The following SCN9A variants were observed in gnomAD, a reference collection of about 807,000 sequenced individuals.
SCN9A encodes the protein sodium channel protein type 9 subunit alpha.
SCN9A carries 131 observed loss-of-function variants against 187.0 expected under a neutral mutation model. The ratio of observed to expected loss-of-function variants is 0.70; its 90% CI spans 0.61 to 0.81. The LOEUF (loss-of-function observed/expected upper bound fraction) is 0.81, where lower values mean the gene tolerates loss of function less well. SCN9A is among the 30% of genes least tolerant of loss of function. SCN9A has a pLI of 0.00. For synonymous variants in SCN9A, 809 were observed against 808.6 expected (o/e 1.00, Z -0.01); for missense variants, 2,252 against 2,396.6 (o/e 0.94, Z 1.26).
At position 166,288,455 on chromosome 2, in the gene SCN9A, T is replaced by C; in HGVS notation, c.1296A>G (p.Lys432=). The change falls in exon 10 of 27, where the codon AAA becomes AAG. Residue 432 remains lysine, a synonymous_variant. Coordinates refer to ENST00000642356, the MANE Select transcript of SCN9A (RefSeq NM_001365536.1). Reference sequence around the variant, plus strand: ...ACAGTACCTCAGCTTCTTCTTGCTCTTTTTTAAGACGGTCTAACATCTGTT... The same window carrying C: ...ACAGTACCTCAGCTTCTTCTTGCTCCTTTTTAAGACGGTCTAACATCTGTT... The part of the protein sequence containing the change: ...EFQQMLDRLK[K]EQEEAEAIAA... 1.2e-6 allele frequency: 2 copies of C among 1,609,636 alleles called. No homozygotes were observed. Among genetic ancestry groups the C allele is most frequent in the Non-Finnish European group, 1.7e-6 (2 of 1,177,126 alleles).
chr2:166,232,483 G>A (rs1017512181), intron 21 of SCN9A, among the ~76,000 whole-genome samples: 3 of 152,016 alleles, frequency 2.0e-5, no homozygotes, highest in African/African-American at 7.3e-5. Flanking sequence ...CCTTACCCAG[G>A]TAGTTTCTTA....
At chr2:166,369,943 T>G (rs1700508082) in intron 1 of SCN9A, among the ~76,000 whole-genome samples, 1 of 152,134 alleles carries the variant, frequency 6.6e-6, no homozygotes. Flanking sequence ...GTGATGGGAT[T>G]GCAGGGGTGA....
In SCN9A at chr2:166,272,426, A is replaced by C; in HGVS notation, c.3324T>G (p.Ser1108Arg). 1 of 1,601,716 alleles carries C rather than the reference A, an allele frequency of 6.2e-7. No individual in the cohort carries two copies. ...CTTTGCTGTATTCACTATCCGAATC[A>C]CTGCTAAGTTCCTCAGCATTCATAT... ...LENMNAEELSSDSDSEYSKVR... is the reference protein window; with the variant it reads ...LENMNAEELSRDSDSEYSKVR... Residue 1108 changes from serine (S) to arginine (R), a missense_variant, in exon 17 of 27, where the codon AGT becomes AGG. Around this residue, in one of 7 missense-constraint regions of SCN9A, gnomAD observed 313 missense variants for 295.3 expected, o/e 1.06. Coordinates refer to ENST00000642356, the MANE Select transcript of SCN9A (RefSeq NM_001365536.1).
At position 166,272,674 on chromosome 2, in the gene SCN9A, G is replaced by T. The variant is rs1305266156; in HGVS notation, c.3076C>A (p.Gln1026Lys). The change falls in exon 17 of 27, where the codon CAA (glutamine) becomes AAA (lysine). Residue 1026 changes from glutamine (Q) to lysine (K), a missense_variant. This residue lies in a region of SCN9A where 313 missense variants were observed against 295.3 expected (regional missense o/e 1.06). Transcript: ENST00000642356. Reference protein sequence around the residue: ...KKPKISREIRQAEDLNTKKEN... With the variant: ...KKPKISREIRKAEDLNTKKEN... ...TTCTTAGTATTCAGATCTTCTGCTT[G>T]TCTTATCTCCCTGGAAATCTTTGGC... The T allele has an allele frequency of 1.2e-6, 2 of 1,609,832 alleles. No individual in the cohort carries two copies. The highest frequency in any genetic ancestry group is 8.5e-7 in the Non-Finnish European group (1 of 1,177,878).
At chr2:166,289,374 T>C (rs1386638179) in intron 9 of SCN9A, among the ~76,000 whole-genome samples, 1 of 151,758 alleles carries the variant, frequency 6.6e-6, no homozygotes, top group African/African-American at 2.4e-5. Flanking sequence ...TGTGATGATC[T>C]TCTCATTGCC....
intron 24 of SCN9A, among the ~76,000 whole-genome samples, chr2:166,208,089 T>G (rs925040134): frequency 6.6e-6 from 1 of 152,180 alleles, no homozygotes; most frequent in Non-Finnish European, 1.5e-5. Flanking sequence ...CTTGCGTGGG[T>G]GTTTTGTTTT....
At chr2:166,320,184 A>C (rs1033837676) in intron 1 of SCN9A, among the ~76,000 whole-genome samples, 1 of 152,172 alleles carries the variant, frequency 6.6e-6, no homozygotes, top group Non-Finnish European at 1.5e-5. Flanking sequence ...TATTCCCTAG[A>C]TAATGGCTTT....
chr2:166,247,682 A>G (rs1695855137), intron 18 of SCN9A, among the ~76,000 whole-genome samples: 3 of 151,994 alleles, frequency 2.0e-5, no homozygotes, highest in African/African-American at 7.3e-5. Flanking sequence ...AGGCTCAGCT[A>G]ATTTTTGTAT....
At position 166,303,105 on chromosome 2, in the gene SCN9A, C is replaced by G; in HGVS notation, c.886G>C (p.Glu296Gln). The G allele has an allele frequency of 1.2e-6, 2 of 1,600,176 alleles. No homozygotes were observed. The highest frequency in any genetic ancestry group is 1.7e-6 in the Non-Finnish European group (2 of 1,171,126). The change falls in exon 7 of 27, where the codon GAA (glutamate) becomes CAA (glutamine). Residue 296 changes from glutamate (E) to glutamine (Q), a missense_variant. Around this residue, in one of 7 missense-constraint regions of SCN9A, gnomAD observed 1,013 missense variants for 997.4 expected, o/e 1.02. Coordinates refer to ENST00000642356, the MANE Select transcript of SCN9A (RefSeq NM_001365536.1). ...ACATTCTTACTTCTAAAGTCTTCTT[C>G]ACTCTCTAGGGTATTCATTATGCTT... ...LESIMNTLES[E>Q]EDFRKYFYYL...
At chr2:166,297,984 T>A (rs1019570870) in intron 7 of SCN9A, among the ~76,000 whole-genome samples, 17 of 150,314 alleles carry the variant, frequency 1.1e-4, no homozygotes, top group Admixed American at 9.3e-4. Context: ...GAAAAAAAAA[T>A]GGTAATTCTG....
intron 17 of SCN9A, among the ~76,000 whole-genome samples, chr2:166,260,041 TTATTA>T (rs1696442056): frequency 1.3e-5 from 2 of 151,864 alleles, no homozygotes; most frequent in South Asian, 4.1e-4. Context: ...TTTTAAAAGA[TTATTA>T]TATTTTCTAA....
At chr2:166,207,740 C>T (rs1191374677) in intron 24 of SCN9A, among the ~76,000 whole-genome samples, 1 of 152,168 alleles carries the variant, frequency 6.6e-6, no homozygotes, top group African/African-American at 2.4e-5. Context: ...CATATCCGGC[C>T]ACCTTAGAGT....
intron 1 of SCN9A, among the ~76,000 whole-genome samples, chr2:166,370,074 A>G (rs1448268545): frequency 1.3e-5 from 2 of 151,944 alleles, no homozygotes; most frequent in Non-Finnish European, 2.9e-5. Flanking sequence ...TCTAAAGTAT[A>G]GACTCTCAAG....
At chr2:166,279,868 T>A (rs1464068366) in intron 14 of SCN9A, among the ~76,000 whole-genome samples, 39 of 152,152 alleles carry the variant, frequency 2.6e-4, no homozygotes, top group Non-Finnish European at 1.5e-5. Context: ...ACTACAGAGT[T>A]AAAATATTTG....
Position 166,280,412 on chromosome 2 carries a change from A to G in SCN9A, c.2288T>C (p.Met763Thr). Residue 763 changes from methionine to threonine, a missense_variant, in exon 14 of 27, where the codon ATG becomes ACG. Met to Thr is a moderately conservative substitution (Grantham distance 81). This residue lies in a region of SCN9A where 1,013 missense variants were observed against 997.4 expected (regional missense o/e 1.02). Coordinates refer to ENST00000642356, the MANE Select transcript of SCN9A (RefSeq NM_001365536.1). ...CIVLNTLFMA[M>T]EHHPMTEEFK... The stretch of plus-strand genomic sequence containing the variant: ...TTCCTCAGTCATTGGGTGGTGTTCC[A>G]TAGCCATAAATAATGTGTTTAAAAC... The G allele has an allele frequency of 6.3e-7, 1 of 1,591,666 alleles. No homozygotes were observed. Among genetic ancestry groups the G allele is most frequent in the Non-Finnish European group, 8.6e-7 (1 of 1,167,512 alleles).
At chr2:166,361,285 C>A (rs1038064012) in intron 1 of SCN9A, among the ~76,000 whole-genome samples, 1 of 152,006 alleles carries the variant, frequency 6.6e-6, no homozygotes, top group Non-Finnish European at 1.5e-5. Flanking sequence ...TTCTTAGGAA[C>A]GAGAATATAT....
chr2:166,303,889 T>C (rs1248931030), intron 6 of SCN9A: 1 of 871,256 alleles, frequency 1.1e-6, no homozygotes, highest in Non-Finnish European at 1.8e-6. Context: ...ATGCAATTGA[T>C]TAAACTCAAA....
chr2:166,292,471 G>A lies in SCN9A; in HGVS notation c.1107+760C>T, dbSNP rs543699918. 6.6e-5 allele frequency among the ~76,000 whole-genome samples: 10 copies of A among 150,870 alleles called. No individual in the cohort carries two copies. The South Asian group carries it at 1.5e-3, about 22-fold the overall frequency. On this transcript the variant is annotated intron_variant, in intron 9 of 26. Coordinates refer to ENST00000642356, the MANE Select transcript of SCN9A (RefSeq NM_001365536.1). ...GTAAAGTGCATCTTACATAATTTCCGAATTCATTTATAATATTCTCGGAAA... is the reference window on the plus strand; with the variant it reads ...GTAAAGTGCATCTTACATAATTTCCAAATTCATTTATAATATTCTCGGAAA...
intron 11 of SCN9A, among the ~76,000 whole-genome samples, chr2:166,285,148 T>C (rs1697681959): frequency 6.6e-6 from 1 of 152,134 alleles, no homozygotes; most frequent in South Asian, 2.1e-4. Context: ...AAAAAGAACT[T>C]AGTATTGCTA....
Sources: allele counts gnomAD v4.1 joint callset (sites outside exome capture counted in the v4.1 genomes callset), GRCh38; gene constraint gnomAD v4.1.1; regional missense constraint gnomAD v4.1.1; transcripts MANE v1.5; gene names NCBI Gene and HGNC (gene_info 2026-07-23, HGNC 2026-07-21).